Variants in KIF16B observed in about 807,000 individuals in gnomAD.
KIF16B encodes kinesin family member 16B, also known as kinesin-like protein KIF16B.
Under a neutral mutation model 156.3 loss-of-function variants are expected in KIF16B, and 98 were observed. That is an observed-to-expected ratio of 0.63 (90% confidence interval 0.53 to 0.74). The LOEUF (loss-of-function observed/expected upper bound fraction) is 0.74. KIF16B is among the 30% of genes least tolerant of loss of function. KIF16B has a pLI of 0.00. For missense variants in KIF16B, 1,421 were observed against 1,606.5 expected (o/e 0.88, Z 1.97); for synonymous variants, 564 against 583.7 (o/e 0.97, Z 0.49).
chr20:16,461,315 T>G (rs2067339829), intron 12 of KIF16B, among the ~76,000 whole-genome samples: 1 of 152,146 alleles, frequency 6.6e-6, no homozygotes, highest in Non-Finnish European at 1.5e-5. Flanking sequence ...TGTTTCTTCT[T>G]TAACCCAGTT....
intron 4 of KIF16B, among the ~76,000 whole-genome samples, chr20:16,514,547 G>C (rs2069067827): frequency 6.8e-6 from 1 of 146,276 alleles, no homozygotes; most frequent in Non-Finnish European, 1.5e-5. Context: ...CCACAGGTTT[G>C]GCAGGCAATG....
At chr20:16,294,805 G>A (rs2063360276) in intron 25 of KIF16B, among the ~76,000 whole-genome samples, 1 of 152,040 alleles carries the variant, frequency 6.6e-6, no homozygotes, top group Non-Finnish European at 1.5e-5. Flanking sequence ...TGAGTAAGGG[G>A]GACTCCAGCT....
chr20:16,546,240 C>T (rs958484008), intron 1 of KIF16B, among the ~76,000 whole-genome samples: 5 of 152,112 alleles, frequency 3.3e-5, no homozygotes, highest in East Asian at 1.9e-4. Flanking sequence ...TTTGCTAAGC[C>T]ATGGTGTACT....
intron 25 of KIF16B, among the ~76,000 whole-genome samples, chr20:16,274,014 C>T (rs949210438): frequency 6.6e-6 from 1 of 150,764 alleles, no homozygotes; most frequent in Non-Finnish European, 1.5e-5. Flanking sequence ...ACTAGTTAAT[C>T]TCTTATTTAA....
At chr20:16,561,623 A>AC (rs2071067161) in intron 1 of KIF16B, among the ~76,000 whole-genome samples, 1 of 152,148 alleles carries the variant, frequency 6.6e-6, no homozygotes, top group Non-Finnish European at 1.5e-5. Context: ...AAAAAAAAAT[A>AC]AAACATTACA....
chr20:16,567,819 G>A (rs1158867946), intron 1 of KIF16B, among the ~76,000 whole-genome samples: 2 of 152,170 alleles, frequency 1.3e-5, no homozygotes, highest in Non-Finnish European at 2.9e-5. Flanking sequence ...GGGCGTGGTG[G>A]CGGGCGCCTG....
Position 16,553,470 on chromosome 20 carries a change from T to A in KIF16B, c.47+19759A>T, listed in dbSNP as rs146009710. ...ACTCATCTCTAGCCAAGAAAAGCTC[T>A]GTGGCTTTTATTGAGCCCAATGGAG... On this transcript the variant is annotated intron_variant, in intron 1 of 25. Transcript: ENST00000354981. Among the ~76,000 whole-genome samples the A allele has an allele frequency of 3.3e-3, 503 of 152,348 alleles. 8 individuals are homozygous for A. Among genetic ancestry groups the A allele is most frequent in the South Asian group, 0.03 (145 of 4,828 alleles).
chr20:16,482,778 T>C (rs2068015929), intron 12 of KIF16B, among the ~76,000 whole-genome samples: 1 of 152,184 alleles, frequency 6.6e-6, no homozygotes, highest in Non-Finnish European at 1.5e-5. Flanking sequence ...TTGCCTTGAA[T>C]ATATATGACA....
At chr20:16,470,631 G>A (rs1342899658) in intron 12 of KIF16B, among the ~76,000 whole-genome samples, 1 of 151,174 alleles carries the variant, frequency 6.6e-6, no homozygotes, top group African/African-American at 2.4e-5. Flanking sequence ...CTACAGGCAT[G>A]CACCACCATG....
chr20:16,313,746 T>C (rs761495427), intron 24 of KIF16B, among the ~76,000 whole-genome samples: 4 of 152,206 alleles, frequency 2.6e-5, no homozygotes, highest in African/African-American at 4.8e-5. Context: ...GATCCAACCA[T>C]GTTGTTATGC....
At chr20:16,358,401 CTAACTT>C (rs1206033014) in intron 22 of KIF16B, among the ~76,000 whole-genome samples, 1 of 152,198 alleles carries the variant, frequency 6.6e-6, no homozygotes, top group Non-Finnish European at 1.5e-5. Flanking sequence ...ATAACATACT[CTAACTT>C]TATCTGCTTC....
chr20:16,371,750 T>A lies in KIF16B; in HGVS notation c.3362A>T (p.Tyr1121Phe), dbSNP rs1488765730. The part of the protein sequence containing the change: ...VPLMDARINA[Y>F]IEEEVQRRLQ... ...GCGTCTTTGGACTTCTTCTTCAATG[T>A]AAGCATTGATCCTGTAACACAATGG... Residue 1121 changes from tyrosine (Y) to phenylalanine (F), a missense_variant, in exon 21 of 26, where the codon TAC (tyrosine) becomes TTC (phenylalanine). Physicochemically the swap from Tyr to Phe is conservative, Grantham distance 22. Transcript: ENST00000354981. The A allele has an allele frequency of 1.9e-6, 3 of 1,607,766 alleles. No individual in the cohort carries two copies. Among genetic ancestry groups the A allele is most frequent in the Non-Finnish European group, 1.7e-6 (2 of 1,174,160 alleles).
chr20:16,494,209 GT>G (rs2068379699), intron 12 of KIF16B, 81 bp downstream of exon 12: 1 of 784,878 alleles, frequency 1.3e-6, no homozygotes, highest in South Asian at 1.6e-5. Flanking sequence ...CAACTGCCAT[GT>G]TTGGAGATTA....
intron 15 of KIF16B, among the ~76,000 whole-genome samples, chr20:16,410,257 CG>C (rs1347552497): frequency 2.6e-4 from 35 of 135,052 alleles, no homozygotes; most frequent in Non-Finnish European, 4.8e-4. Flanking sequence ...ATATATATGT[CG>C]GTGTACATAT....
At chr20:16,294,984 G>C (rs969030043) in intron 25 of KIF16B, among the ~76,000 whole-genome samples, 24 of 152,096 alleles carry the variant, frequency 1.6e-4, no homozygotes, top group African/African-American at 5.8e-4. Context: ...TTCTGATGAG[G>C]ACTTTTTGAT....
intron 12 of KIF16B, among the ~76,000 whole-genome samples, chr20:16,453,339 A>C (rs1412295583): frequency 1.3e-5 from 2 of 152,080 alleles, no homozygotes. Flanking sequence ...CTAGAGAAAA[A>C]ATTTCTAATT....
chr20:16,478,533 AT>A (rs991832486), intron 12 of KIF16B, among the ~76,000 whole-genome samples: 2 of 152,198 alleles, frequency 1.3e-5, no homozygotes, highest in Non-Finnish European at 2.9e-5. Flanking sequence ...AAAGTTTAAA[AT>A]TCATACTGTT....
intron 25 of KIF16B, among the ~76,000 whole-genome samples, chr20:16,300,495 T>C (rs1241710634): frequency 6.6e-6 from 1 of 152,144 alleles, no homozygotes; most frequent in Non-Finnish European, 1.5e-5. Context: ...TCTTCTTCTT[T>C]TTCTTTCTTT....
Position 16,439,505 on chromosome 20 carries a change from G to T in KIF16B, c.1303-9523C>A, listed in dbSNP as rs553137353. The stretch of plus-strand genomic sequence containing the variant: ...GCGGCCTCCTCATTCCCACTGCAGG[G>T]CTTCTCCGTGTGCTGTTTAGTCTGC... On this transcript the variant is annotated intron_variant, in intron 12 of 25. Coordinates refer to ENST00000354981, the MANE Select transcript of KIF16B (RefSeq NM_024704.5). 2.6e-5 allele frequency among the ~76,000 whole-genome samples: 4 copies of T among 152,138 alleles called. No homozygotes were observed. In the East Asian group the frequency reaches 7.7e-4, roughly 29 times the overall value.
Sources: allele counts gnomAD v4.1 joint callset (sites outside exome capture counted in the v4.1 genomes callset), GRCh38; gene constraint gnomAD v4.1.1; transcripts MANE v1.5; gene names NCBI Gene and HGNC (gene_info 2026-07-23, HGNC 2026-07-21).